The following POLR1G variants were observed in gnomAD, a reference collection of about 807,000 sequenced individuals.
POLR1G encodes the protein RNA polymerase I subunit G.
Under a neutral mutation model 6.3 loss-of-function variants are expected in POLR1G, and 9 were observed. The observed-to-expected ratio is 1.44, with a 90% CI of 0.87 to 2.51. The LOEUF is 2.51. POLR1G is among the 30% of genes most tolerant of loss of function. POLR1G has a pLI of 0.00. For missense variants in POLR1G, 617 were observed against 632.5 expected, an observed-to-expected ratio of 0.98 and a Z score of 0.26; for synonymous variants, 248 against 256.5, an observed-to-expected ratio of 0.97 and a Z score of 0.32.
chr19:45,408,769 G>A lies in POLR1G; in HGVS notation c.801G>A (p.Lys267=). 6.2e-7 allele frequency: 1 copy of A among 1,613,962 alleles called. No individual in the cohort carries two copies. The highest frequency in any genetic ancestry group is 8.5e-7 in the Non-Finnish European group (1 of 1,179,998). Residue 267 remains lysine (K), a synonymous_variant, in exon 3 of 3, where the codon AAG becomes AAA. Transcript: ENST00000309424. ...AAGAAACCTTCGAGCCAGAAGACAA[G>A]ACAGTGAAGCAGGAACAGATTAACA... ...KGKETFEPED[K]TVKQEQINTE...
chr19:45,406,676 G>C lies in POLR1G; in HGVS notation c.-21G>C, dbSNP rs967591. The C allele has an allele frequency of 3.9e-6, 6 of 1,545,182 alleles. No homozygotes were observed. The highest frequency in any genetic ancestry group is 5.2e-6 in the Non-Finnish European group (6 of 1,144,932). On this transcript the variant is annotated 5_prime_UTR_variant, in exon 1 of 3. Coordinates refer to ENST00000309424, the MANE Select transcript of POLR1G (RefSeq NM_012099.3). This position sits in a 1 kb window ranked among gnomAD's most constrained non-coding sequence, Gnocchi z 4.2. ...TGCGAGCAGCCCGGGCTACAGGGTT[G>C]CCTGAGGTGTGGGTCCCAGGATGGA...
In POLR1G at chr19:45,408,197, C is replaced by A; in HGVS notation, c.229C>A (p.Arg77=). The A allele has an allele frequency of 6.2e-7, 1 of 1,613,272 alleles. No homozygotes were observed. The change falls in exon 3 of 3, where the codon CGG becomes AGG. Residue 77 remains arginine (R), a synonymous_variant. Coordinates refer to ENST00000309424, the MANE Select transcript of POLR1G (RefSeq NM_012099.3). ...QIVKGKLAGK[R]HRYRVLSSCP... ...CGTCAAGGGCAAATTGGCAGGCAAG[C>A]GGCACCGCTATCGAGTCCTCAGCAG...
In POLR1G at chr19:45,409,057, C is replaced by T. The variant is rs62109561; in HGVS notation, c.1089C>T (p.Thr363=). ...EMKPLESPGG[T]MAPQQPEGAK... ...AGCCTCTGGAGTCCCCAGGGGGGAC[C>T]ATGGCGCCTCAACAGCCAGAAGGAG... Residue 363 remains threonine, a synonymous_variant, in exon 3 of 3, where the codon ACC becomes ACT. Coordinates refer to ENST00000309424, the MANE Select transcript of POLR1G (RefSeq NM_012099.3). 2.5e-6 allele frequency: 4 copies of T among 1,613,714 alleles called. No homozygotes were observed. In the Admixed American group the frequency reaches 5.0e-5, roughly 20 times the overall value.
rs1300095517 is a variant in POLR1G at position 45,408,197 on chromosome 19, C to T, written c.229C>T (p.Arg77Trp). Residue 77 changes from arginine to tryptophan, a missense_variant, in exon 3 of 3, where the codon CGG becomes TGG. Arg to Trp is a moderately radical substitution (Grantham distance 101, BLOSUM62 -3). Transcript: ENST00000309424. ...QIVKGKLAGK[R>W]HRYRVLSSCP... ...CGTCAAGGGCAAATTGGCAGGCAAG[C>T]GGCACCGCTATCGAGTCCTCAGCAG... The T allele has an allele frequency of 1.9e-6, 3 of 1,613,270 alleles. No individual in the cohort carries two copies. The highest frequency in any genetic ancestry group is 2.2e-5 in the East Asian group (1 of 44,870).
chr19:45,407,334 C>A, intron 2 of POLR1G, 99 bp downstream of exon 2: 1 of 1,181,342 alleles, frequency 8.5e-7, no homozygotes. Context: ...AGTCACAGAG[C>A]ACAGTGAAAG....
In POLR1G at chr19:45,407,121, A is replaced by C. The variant is rs999334010; in HGVS notation, c.50A>C (p.Asn17Thr). Residue 17 changes from asparagine (N) to threonine (T), a missense_variant, in exon 2 of 3, where the codon AAC (asparagine) becomes ACC (threonine). Asn to Thr is a moderately conservative substitution (Grantham distance 65, BLOSUM62 0). Transcript: ENST00000309424. ...GDAARFSCPP[N>T]FTAKPPASES... is the part of the protein sequence containing the mutation. ...GCTGCTCGGTTCTCTTGTCCCCCCA[A>C]CTTTACCGCGAAGCCCCCAGCCTCA... 3 of 1,604,372 alleles carry C rather than the reference A, an allele frequency of 1.9e-6. No individual in the cohort carries two copies. The African/African-American group carries it at 4.1e-5, about 22-fold the overall frequency.
intron 2 of POLR1G, 93 bp downstream of exon 2, chr19:45,407,328 A>G (rs1031751155): frequency 4.1e-6 from 5 of 1,222,124 alleles, no homozygotes; most frequent in Non-Finnish European, 5.8e-6. Flanking sequence ...GAGGTGAGTC[A>G]CAGAGCACAG....
chr19:45,407,750 C>G (rs1324112110), intron 2 of POLR1G: 1 of 252,232 alleles, frequency 4.0e-6, no homozygotes, highest in Admixed American at 5.1e-5. Context: ...TCACTCTAGT[C>G]ATGTTTTATT....
rs759906101 is a variant in POLR1G at position 45,408,726 on chromosome 19, G to A, written c.758G>A (p.Arg253Lys). ...GVLFPSTTKK[R>K]KKPKGKETFE... ...CTGTTCCCGTCCACCACCAAGAAGA[G>A]GAAGAAGCCCAAAGGGAAAGAAACC... is the stretch of plus-strand genomic sequence containing the variant. The change falls in exon 3 of 3, where the codon AGG becomes AAG. Residue 253 changes from arginine (R) to lysine (K), a missense_variant. Transcript: ENST00000309424. 2.5e-6 allele frequency: 4 copies of A among 1,613,964 alleles called. No homozygotes were observed. Among genetic ancestry groups the A allele is most frequent in the Non-Finnish European group, 3.4e-6 (4 of 1,180,014 alleles).
In POLR1G at chr19:45,408,151, G is replaced by A. The variant is rs1480872178; in HGVS notation, c.183G>A (p.Val61=). The change falls in exon 3 of 3, where the codon GTG becomes GTA. Residue 61 remains valine (V), a synonymous_variant. Coordinates refer to ENST00000309424, the MANE Select transcript of POLR1G (RefSeq NM_012099.3). Reference sequence around the variant, plus strand: ...TCTGTAGCTTCAATGGGCGGCATGTGCCTCTCTCTGGCTCCCAGATCGTCA... The same window carrying A: ...TCTGTAGCTTCAATGGGCGGCATGTACCTCTCTCTGGCTCCCAGATCGTCA... ...FAPECFNGRH[V]PLSGSQIVKG... 6.2e-7 allele frequency: 1 copy of A among 1,603,400 alleles called. No homozygotes were observed. Among genetic ancestry groups the A allele is most frequent in the East Asian group, 2.2e-5 (1 of 44,620 alleles).
At position 45,408,875 on chromosome 19, in the gene POLR1G, G is replaced by T. The variant is rs751453778; in HGVS notation, c.907G>T (p.Glu303Ter). 1 of 1,614,156 alleles carries T rather than the reference G, an allele frequency of 6.2e-7. No homozygotes were observed. The highest frequency in any genetic ancestry group is 8.5e-7 in the Non-Finnish European group (1 of 1,180,022). ...GGGGACGGAAGGGATGGAGCCAGAGGAGGGGGTGACAGTTGAGTCTCAGCC... is the reference window on the plus strand; with the variant it reads ...GGGGACGGAAGGGATGGAGCCAGAGTAGGGGGTGACAGTTGAGTCTCAGCC... ...QKGTEGMEPE[E>*]GVTVESQPQV... is the part of the protein sequence containing the mutation. The change falls in exon 3 of 3, where the codon GAG becomes TAG. Residue 303 changes from glutamate (E) to a stop codon, truncating the protein, a stop_gained. Transcript: ENST00000309424. LOFTEE classifies it low-confidence loss of function (END_TRUNC).
chr19:45,409,274 G>A lies in POLR1G; in HGVS notation c.1306G>A (p.Glu436Lys), dbSNP rs1973539223. 1 of 1,613,802 alleles carries A rather than the reference G, an allele frequency of 6.2e-7. No individual in the cohort carries two copies. The highest frequency in any genetic ancestry group is 8.5e-7 in the Non-Finnish European group (1 of 1,179,908). The part of the protein sequence containing the change: ...KKKERGHTVT[E>K]PIQPLEPELP... Reference sequence around the variant, plus strand: ...GAAAGAGAGAGGTCACACAGTGACTGAGCCAATTCAGCCACTAGAGCCTGA... The same window carrying A: ...GAAAGAGAGAGGTCACACAGTGACTAAGCCAATTCAGCCACTAGAGCCTGA... The change falls in exon 3 of 3, where the codon GAG (glutamate) becomes AAG (lysine). Residue 436 changes from glutamate to lysine, a missense_variant. Transcript: ENST00000309424.
chr19:45,409,574 C>G lies in POLR1G; in HGVS notation c.*73C>G, dbSNP rs1973560260. The G allele has an allele frequency of 9.5e-6, 15 of 1,574,056 alleles. No homozygotes were observed. In the South Asian group the frequency reaches 1.7e-4, roughly 18 times the overall value. Reference sequence around the variant, plus strand: ...CTGGGCCACCAGAAGGTGACACCCCCAGAATCCCTCCCCAGAGACTGCACC... The same window carrying G: ...CTGGGCCACCAGAAGGTGACACCCCGAGAATCCCTCCCCAGAGACTGCACC... On this transcript the variant is annotated 3_prime_UTR_variant, in exon 3 of 3. Transcript: ENST00000309424.
At position 45,410,673 on chromosome 19, in the gene POLR1G, CT is replaced by C. The variant is rs3212984; in HGVS notation, c.*1174del. ...AGCCTCCAGGAACTATCCATCCACT[CT>C]TATCTCCATGAGTTCAATTGTTTTG... On this transcript the variant is annotated 3_prime_UTR_variant, in exon 3 of 3. Coordinates refer to ENST00000309424, the MANE Select transcript of POLR1G (RefSeq NM_012099.3). 15,133 of 151,258 alleles carry C rather than the reference CT, an allele frequency of 0.1. 1,468 individuals are homozygous for C. The highest frequency in any genetic ancestry group is 0.29 in the East Asian group (1,489 of 5,082). The allele number at this position is 151,258 out of a possible 1,614,324, so 9.4% of individuals were successfully genotyped here. A position where few individuals can be genotyped will look rare whatever the true frequency, so the allele number is the denominator to read the frequency against.
chr19:45,407,036 C>T, intron 1 of POLR1G, 58 bp from the exon 2 acceptor site: 2 of 1,550,356 alleles, frequency 1.3e-6, no homozygotes, highest in Non-Finnish European at 1.7e-6. Context: ...TAGGCGCGCC[C>T]TGCAAGATTG....
rs1568571807 is a variant in POLR1G at position 45,409,377 on chromosome 19, G to GC, written c.1411dup (p.Arg471ProfsTer136). The GC allele has an allele frequency of 6.2e-7, 1 of 1,614,120 alleles. No individual in the cohort carries two copies. Among genetic ancestry groups the GC allele is most frequent in the Admixed American group, 1.7e-5 (1 of 60,020 alleles). ...AAGAGGAAGAAGCAGAGTCAGGAAAGCCGGATGCCAGAGACAGTGCCCCAA... is the reference window on the plus strand; with the variant it reads ...AAGAGGAAGAAGCAGAGTCAGGAAAGCCCGGATGCCAGAGACAGTGCCCCAA... On this transcript the variant is annotated frameshift_variant, in exon 3 of 3. Coordinates refer to ENST00000309424, the MANE Select transcript of POLR1G (RefSeq NM_012099.3). LOFTEE classifies it low-confidence loss of function (END_TRUNC).
chr19:45,407,340 G>T (rs761507705), intron 2 of POLR1G, 105 bp downstream of exon 2: 4 of 1,127,388 alleles, frequency 3.5e-6, no homozygotes, highest in Non-Finnish European at 5.1e-6. Context: ...AGAGCACAGT[G>T]AAAGAAACAA....
Position 45,407,142 on chromosome 19 carries a change from C to A in POLR1G, c.71C>A (p.Ala24Asp). 1 of 1,612,106 alleles carries A rather than the reference C, an allele frequency of 6.2e-7. No homozygotes were observed. The highest frequency in any genetic ancestry group is 1.3e-5 in the African/African-American group (1 of 74,852). The change falls in exon 2 of 3, where the codon GCC (alanine) becomes GAC (aspartate). Residue 24 changes from alanine to aspartate, a missense_variant. By Grantham distance (126) the Ala-to-Asp change is moderately radical (BLOSUM62 -2). Coordinates refer to ENST00000309424, the MANE Select transcript of POLR1G (RefSeq NM_012099.3). The stretch of plus-strand genomic sequence containing the variant: ...CCCAACTTTACCGCGAAGCCCCCAG[C>A]CTCAGAGTCCCCTCGTTTCTCCTTG... ...CPPNFTAKPP[A>D]SESPRFSLEA...
chr19:45,407,992 T>C, intron 2 of POLR1G, 141 bp from the exon 3 acceptor site: 2 of 1,103,448 alleles, frequency 1.8e-6, no homozygotes, highest in Non-Finnish European at 1.2e-6. Flanking sequence ...AGGTGGACAT[T>C]GCAGTGAGCC....
Sources: allele counts gnomAD v4.1 joint callset, GRCh38; gene constraint gnomAD v4.1.1; non-coding constraint Gnocchi (gnomAD v3.1); transcripts MANE v1.5; gene names NCBI Gene and HGNC (gene_info 2026-07-23, HGNC 2026-07-21).